NUP153: variants seen among roughly 807,000 people sequenced by gnomAD.
NUP153 encodes the protein nucleoporin 153.
A neutral mutation model predicts 134.6 loss-of-function variants in NUP153; 27 were observed. The observed-to-expected ratio is 0.20, with a 90% CI of 0.15 to 0.28. The LOEUF is 0.28. NUP153 is among the 10% of genes least tolerant of loss of function. The pLI is 1.00. For synonymous variants in NUP153, 640 were observed against 623.5 expected (o/e 1.03, Z -0.40); for missense variants, 1,821 against 1,731.3 (o/e 1.05, Z -0.92).
At chr6:17,670,596 C>T (rs1209567773) in intron 5 of NUP153, among the ~76,000 whole-genome samples, 1 of 152,198 alleles carries the variant, frequency 6.6e-6, no homozygotes, top group African/African-American at 2.4e-5. Context: ...TGATAGCAGA[C>T]ATCCTTGCTT....
chr6:17,649,022 A>C (rs572850451), intron 12 of NUP153, 141 bp downstream of exon 12: 1 of 787,722 alleles, frequency 1.3e-6, no homozygotes. Context: ...TAAAAAAGCA[A>C]AACAGCATTT....
rs192928570 is a variant in NUP153, at chr6:17,664,192, C to T, written c.1215+1047G>A. ...ACCTTGAAAACACTATGCTAAGTGG[C>T]TACTGACGGGTATGGGTATGAGATT... is the stretch of plus-strand genomic sequence containing the variant. On this transcript the variant is annotated intron_variant, in intron 9 of 21. Coordinates refer to ENST00000262077, the MANE Select transcript of NUP153 (RefSeq NM_005124.4). Among the ~76,000 whole-genome samples the T allele has an allele frequency of 5.8e-4, 89 of 152,150 alleles. 1 individual carries two copies. Among genetic ancestry groups the T allele is most frequent in the Admixed American group, 3.5e-3 (54 of 15,280 alleles).
In NUP153 at chr6:17,682,925, G is replaced by GAAAA. The variant is rs58196936; in HGVS notation, c.334+5467_334+5470dup. On this transcript the variant is annotated intron_variant, in intron 2 of 21. Coordinates refer to ENST00000262077, the MANE Select transcript of NUP153 (RefSeq NM_005124.4). ...AGAGCAAGACTGTCTCAAAAAAGAA[G>GAAAA]AAAAAAAAAAAAAAAAACACTTTCT... 7.3e-4 allele frequency among the ~76,000 whole-genome samples: 90 copies of GAAAA among 123,758 alleles called. 2 individuals carry two copies. Among genetic ancestry groups the GAAAA allele is most frequent in the Admixed American group, 9.5e-4 (11 of 11,552 alleles). The allele number at this position is 123,758 out of a possible 152,430, so 81.2% of individuals were successfully genotyped here.
intron 21 of NUP153, 105 bp from the exon 22 acceptor site, chr6:17,616,286 G>A (rs1764316614): frequency 5.7e-6 from 3 of 529,228 alleles, no homozygotes; most frequent in Admixed American, 6.2e-5. Context: ...GTCGGGTGGG[G>A]GGGGAGTAGA....
chr6:17,615,866 AAAAT>A lies in NUP153; in HGVS notation c.*227_*230del. The A allele has an allele frequency of 2.1e-6, 1 of 467,896 alleles. No homozygotes were observed. The highest frequency in any genetic ancestry group is 2.0e-5 in the African/African-American group (1 of 50,736). 29.0% of individuals were successfully genotyped at this position (467,896 alleles called of 1,614,324 possible). ...ATCAGTGAATAATCTGCTGGATCATAAAATATTTTTGCTGAAGAATCAGTCACCA... is the reference window on the plus strand; with the variant it reads ...ATCAGTGAATAATCTGCTGGATCATAATTTTTGCTGAAGAATCAGTCACCA... On this transcript the variant is annotated 3_prime_UTR_variant, in exon 22 of 22. Transcript: ENST00000262077. This position sits in a 1 kb window ranked among gnomAD's most constrained non-coding sequence, Gnocchi z 5.7.
chr6:17,685,324 G>C lies in NUP153; in HGVS notation c.334+3072C>G, dbSNP rs765070329. 9.2e-5 allele frequency among the ~76,000 whole-genome samples: 14 copies of C among 152,094 alleles called. 1 individual carries two copies. Among genetic ancestry groups the C allele is most frequent in the South Asian group, 6.2e-4 (3 of 4,830 alleles). Reference sequence around the variant, plus strand: ...ACACTTTGGGAGGCTGAGGAAGGTGGATCATGAGGTCAGGAGATCAAAACC... The same window carrying C: ...ACACTTTGGGAGGCTGAGGAAGGTGCATCATGAGGTCAGGAGATCAAAACC... On this transcript the variant is annotated intron_variant, in intron 2 of 21. Transcript: ENST00000262077.
chr6:17,649,121 G>T, intron 12 of NUP153, 42 bp downstream of exon 12: 2 of 1,523,568 alleles, frequency 1.3e-6, no homozygotes, highest in Non-Finnish European at 1.8e-6. Flanking sequence ...AAAGAATTAA[G>T]AAAGAACAAA....
chr6:17,678,186 T>C (rs992992859), intron 2 of NUP153, among the ~76,000 whole-genome samples: 1 of 151,768 alleles, frequency 6.6e-6, no homozygotes, highest in African/African-American at 2.4e-5. Flanking sequence ...CAAAATCCCA[T>C]CCCTACTAAA....
At chr6:17,679,148 A>G (rs893936952) in intron 2 of NUP153, among the ~76,000 whole-genome samples, 5 of 152,196 alleles carry the variant, frequency 3.3e-5, no homozygotes, top group African/African-American at 1.2e-4. Flanking sequence ...TTACATGTAA[A>G]TAACAGTGAA....
At chr6:17,642,043 GA>G (rs547238259) in intron 14 of NUP153, among the ~76,000 whole-genome samples, 6 of 151,506 alleles carry the variant, frequency 4.0e-5, no homozygotes, top group African/African-American at 7.3e-5. Flanking sequence ...AAGTACTTTT[GA>G]AAAAAACCTT....
intron 1 of NUP153, among the ~76,000 whole-genome samples, chr6:17,698,979 G>A (rs913572300): frequency 3.3e-5 from 5 of 151,906 alleles, no homozygotes; most frequent in African/African-American, 1.2e-4. Flanking sequence ...TGAAAATTGG[G>A]AGTAAGAGTT....
chr6:17,647,775 T>C (rs1766278409), intron 13 of NUP153, 32 bp downstream of exon 13: 12 of 1,275,442 alleles, frequency 9.4e-6, no homozygotes, highest in Non-Finnish European at 1.4e-5. Context: ...TTGAAATCAG[T>C]AAATATATAC....
At chr6:17,701,487 C>T (rs1298430181) in intron 1 of NUP153, among the ~76,000 whole-genome samples, 4 of 151,746 alleles carry the variant, frequency 2.6e-5, no homozygotes, top group African/African-American at 9.7e-5. Context: ...GATGGTGAAA[C>T]CCTGTCTCTA....
rs561172770 is a variant in NUP153, at chr6:17,629,277, T to G, written c.2922A>C (p.Lys974Asn). ...SSESKPEEVK[K>N]DSKNDNFKFG... ...ACTTAAAATTATCATTCTTACTATCTTTTTTAACTTCTTCGGGCTTAGATT... is the reference window on the plus strand; with the variant it reads ...ACTTAAAATTATCATTCTTACTATCGTTTTTAACTTCTTCGGGCTTAGATT... Residue 974 changes from lysine (K) to asparagine (N), a missense_variant, in exon 18 of 22, where the codon AAA (lysine) becomes AAC (asparagine). Transcript: ENST00000262077. 6.2e-7 allele frequency: 1 copy of G among 1,610,594 alleles called. No homozygotes were observed. The highest frequency in any genetic ancestry group is 1.1e-5 in the South Asian group (1 of 90,044).
chr6:17,620,627 G>C (rs1019887827), intron 20 of NUP153, among the ~76,000 whole-genome samples: 38 of 152,282 alleles, frequency 2.5e-4, no homozygotes, highest in Admixed American at 2.1e-3. Flanking sequence ...GGATGGCTCT[G>C]AATGCCGTCC....
In NUP153 at chr6:17,632,853, A is replaced by AAG; in HGVS notation, c.2465-10_2465-9insCT. On this transcript the variant is annotated splice_polypyrimidine_tract_variant and intron_variant, in intron 16 of 21. Coordinates refer to ENST00000262077, the MANE Select transcript of NUP153 (RefSeq NM_005124.4). The stretch of plus-strand genomic sequence containing the variant: ...AGCAGGTACTGAACTTCCTAAAAAA[A>AAG]AAAAAAAAAACGGGGAGTGGGGGGA... The AAG allele has an allele frequency of 6.5e-7, 1 of 1,544,906 alleles. No homozygotes were observed. Among genetic ancestry groups the AAG allele is most frequent in the Non-Finnish European group, 8.7e-7 (1 of 1,155,232 alleles).
Position 17,647,883 on chromosome 6 carries a change from C to A in NUP153, c.1556G>T (p.Ser519Ile). The A allele has an allele frequency of 6.2e-7, 1 of 1,612,750 alleles. No individual in the cohort carries two copies. Among genetic ancestry groups the A allele is most frequent in the Non-Finnish European group, 8.5e-7 (1 of 1,178,956 alleles). The change falls in exon 13 of 22, where the codon AGC becomes ATC. Residue 519 changes from serine to isoleucine, a missense_variant. By Grantham distance (142) the Ser-to-Ile change is moderately radical. Coordinates refer to ENST00000262077, the MANE Select transcript of NUP153 (RefSeq NM_005124.4). ...TNKVQMTSPS[S>I]TGSPMFKFSS... Reference sequence around the variant, plus strand: ...AAATTTAAACATGGGACTGCCAGTGCTGCTCGGAGAGGTCATTTGTACCTG... The same window carrying A: ...AAATTTAAACATGGGACTGCCAGTGATGCTCGGAGAGGTCATTTGTACCTG...
intron 1 of NUP153, among the ~76,000 whole-genome samples, chr6:17,702,214 G>T (rs1770156785): frequency 6.6e-6 from 1 of 152,154 alleles, no homozygotes; most frequent in Admixed American, 6.5e-5. Context: ...CTAGAAAAAT[G>T]ACACCATTTC....
At chr6:17,640,161 T>C (rs1765763034) in intron 14 of NUP153, 97 bp from the exon 15 acceptor site, 1 of 934,140 alleles carries the variant, frequency 1.1e-6, no homozygotes, top group Non-Finnish European at 1.5e-6. Flanking sequence ...TTTGGATTAA[T>C]TTCTAAAAGT....
Sources: allele counts gnomAD v4.1 joint callset (sites outside exome capture counted in the v4.1 genomes callset), GRCh38; gene constraint gnomAD v4.1.1; non-coding constraint Gnocchi (gnomAD v3.1); transcripts MANE v1.5; gene names NCBI Gene and HGNC (gene_info 2026-07-23, HGNC 2026-07-21).